The following LIMS1 variants were observed in gnomAD, a reference collection of about 807,000 sequenced individuals.
LIMS1 encodes the protein LIM and senescent cell antigen-like-containing domain protein 1.
LIMS1 carries 18 observed loss-of-function variants against 44.1 expected under a neutral mutation model. The observed-to-expected ratio is 0.41, with a 90% CI of 0.28 to 0.61. LIMS1 has a LOEUF of 0.61. LIMS1 is among the 20% of genes least tolerant of loss of function. LIMS1 has a pLI of 0.32. For synonymous variants in LIMS1, 93 were observed against 149.1 expected, an observed-to-expected ratio of 0.62 and a Z score of 2.74; for missense variants, 201 against 422.0, an observed-to-expected ratio of 0.48 and a Z score of 4.59.
intron 1 of LIMS1, among the ~76,000 whole-genome samples, chr2:108,549,989 A>G (rs1307947189): frequency 6.6e-6 from 1 of 152,188 alleles, no homozygotes; most frequent in African/African-American, 2.4e-5. Context: ...GAAACTATGT[A>G]GATAATAAAA....
chr2:108,684,117 G>A, exon 10 of LIMS1: 1 of 516,130 alleles, frequency 1.9e-6, no homozygotes, highest in Non-Finnish European at 3.5e-6. Flanking sequence ...CTATATGAAT[G>A]GTTTTATGTC....
At chr2:108,607,309 A>G in intron 1 of LIMS1, 2 of 1,503,612 alleles carry the variant, frequency 1.3e-6, no homozygotes, top group South Asian at 1.2e-5. Context: ...AAACACAAAT[A>G]GAACATAATT....
At chr2:108,665,459 C>T (rs550693912) in intron 2 of LIMS1, among the ~76,000 whole-genome samples, 187 of 152,318 alleles carry the variant, frequency 1.2e-3, no homozygotes, top group African/African-American at 4.4e-3. Context: ...CGGATGACTG[C>T]ATATGCTGAA....
intron 1 of LIMS1, among the ~76,000 whole-genome samples, chr2:108,654,522 T>C (rs1489585185): frequency 6.6e-6 from 1 of 152,006 alleles, no homozygotes; most frequent in Non-Finnish European, 1.5e-5. Flanking sequence ...CCATCAGGCA[T>C]AGCTGGCAGT....
At chr2:108,569,263 C>T (rs1259969409) in intron 1 of LIMS1, among the ~76,000 whole-genome samples, 3 of 152,148 alleles carry the variant, frequency 2.0e-5, no homozygotes, top group African/African-American at 7.2e-5. Context: ...TCATGATTTG[C>T]AAATATTTTC....
At chr2:108,576,860 A>C (rs1354120878) in intron 1 of LIMS1, among the ~76,000 whole-genome samples, 1 of 152,144 alleles carries the variant, frequency 6.6e-6, no homozygotes, top group East Asian at 1.9e-4. Context: ...AAATATCCTA[A>C]AAAGAGGTAC....
At position 108,651,230 on chromosome 2, in the gene LIMS1, G is replaced by A. The variant is rs181704342; in HGVS notation, c.33-8375G>A. On this transcript the variant is annotated intron_variant, in intron 1 of 9. Coordinates refer to ENST00000544547, the Ensembl canonical transcript of LIMS1. Reference sequence around the variant, plus strand: ...TCAGTGTAAGTAGCTTGGGTAATGTGCAGAGAATTTCTTTGCCTTGTATTA... The same window carrying A: ...TCAGTGTAAGTAGCTTGGGTAATGTACAGAGAATTTCTTTGCCTTGTATTA... 2.1e-3 allele frequency among the ~76,000 whole-genome samples: 316 copies of A among 152,240 alleles called. 3 individuals are homozygous for A. Among genetic ancestry groups the A allele is most frequent in the African/African-American group, 7.3e-3 (302 of 41,530 alleles).
intron 1 of LIMS1, among the ~76,000 whole-genome samples, chr2:108,566,080 G>C (rs184269350): frequency 2.0e-5 from 3 of 152,162 alleles, no homozygotes; most frequent in Non-Finnish European, 4.4e-5. Flanking sequence ...TGTGTTGCTA[G>C]CTCTGTTTCA....
chr2:108,680,830 A>T (rs1692941703), intron 9 of LIMS1, 60 bp downstream of exon 9: 2 of 1,587,766 alleles, frequency 1.3e-6, no homozygotes, highest in South Asian at 1.2e-5. Context: ...GGAGACACTT[A>T]AAAAAAATCC....
chr2:108,552,556 A>G (rs971730429), intron 1 of LIMS1, among the ~76,000 whole-genome samples: 5 of 144,754 alleles, frequency 3.5e-5, no homozygotes, highest in Admixed American at 2.1e-4. Flanking sequence ...ACTATGAGTG[A>G]ACTTTGGGGT....
chr2:108,606,469 G>A (rs1156261813), intron 1 of LIMS1, among the ~76,000 whole-genome samples: 1 of 152,212 alleles, frequency 6.6e-6, no homozygotes, highest in African/African-American at 2.4e-5. Flanking sequence ...ATGTGCATGT[G>A]TGTATACGTT....
At chr2:108,602,023 C>T (rs578137994) in intron 1 of LIMS1, among the ~76,000 whole-genome samples, 7 of 152,212 alleles carry the variant, frequency 4.6e-5, no homozygotes, top group South Asian at 2.1e-4. Context: ...TTCACTTCTT[C>T]GGTTAAATTA....
chr2:108,592,864 T>A (rs1228729482), intron 1 of LIMS1, among the ~76,000 whole-genome samples: 1 of 152,202 alleles, frequency 6.6e-6, no homozygotes, highest in Non-Finnish European at 1.5e-5. Flanking sequence ...TTTGGTGGGA[T>A]CTAGGTGAAC....
chr2:108,555,544 G>T (rs1417729237), intron 1 of LIMS1, among the ~76,000 whole-genome samples: 1 of 152,184 alleles, frequency 6.6e-6, no homozygotes, highest in Non-Finnish European at 1.5e-5. Context: ...CTTTGGTAAT[G>T]AGCACTCTGA....
At chr2:108,557,013 G>A (rs1047769287) in intron 1 of LIMS1, among the ~76,000 whole-genome samples, 3 of 152,080 alleles carry the variant, frequency 2.0e-5, no homozygotes, top group Non-Finnish European at 2.9e-5. Context: ...TCATTTCTGC[G>A]TTCATCCGCC....
At chr2:108,683,425 C>G (rs1693134802) in intron 9 of LIMS1, among the ~76,000 whole-genome samples, 1 of 151,366 alleles carries the variant, frequency 6.6e-6, no homozygotes, top group Admixed American at 6.6e-5. Context: ...CACTTGTGTC[C>G]CAGCTATTCA....
chr2:108,678,007 A>G (rs1446571413), exon 8 of LIMS1: 4 of 1,605,148 alleles, frequency 2.5e-6, no homozygotes, highest in Non-Finnish European at 3.4e-6. Flanking sequence ...TTCCACTGCA[A>G]TCGTGTTATA....
At chr2:108,678,888 C>T (rs1692752876) in intron 8 of LIMS1, among the ~76,000 whole-genome samples, 1 of 152,276 alleles carries the variant, frequency 6.6e-6, no homozygotes, top group South Asian at 2.1e-4. Context: ...CTCACCTAAA[C>T]AACATGGTGC....
intron 1 of LIMS1, among the ~76,000 whole-genome samples, chr2:108,611,838 T>A (rs1036403477): frequency 1.4e-4 from 18 of 130,154 alleles, no homozygotes; most frequent in African/African-American, 3.9e-4. Flanking sequence ...TGATCTAAAA[T>A]ATATATATAT....
Sources: gnomAD v4.1 joint callset for allele counts (sites outside exome capture counted in the v4.1 genomes callset) on GRCh38, gnomAD v4.1.1 for gene constraint, MANE v1.5 for transcripts, NCBI Gene and HGNC (gene_info 2026-07-23, HGNC 2026-07-21) for gene names.